STYXL1: variants seen among roughly 807,000 people sequenced by gnomAD.
The protein encoded by STYXL1 is serine/threonine/tyrosine-interacting-like protein 1.
A neutral mutation model predicts 36.4 loss-of-function variants in STYXL1; 32 were observed. That is an observed-to-expected ratio of 0.88 (90% CI 0.66 to 1.18). STYXL1 has a LOEUF of 1.18. Among genes scored for constraint, STYXL1 ranks in the 50% most tolerant of loss-of-function variants. The probability of loss-of-function intolerance (pLI) is 0.00; values close to 1 mark genes in which losing one functional copy is unlikely to be tolerated. For missense variants in STYXL1, 354 were observed against 394.1 expected (o/e 0.90, Z 0.86); for synonymous variants, 133 against 144.1 (o/e 0.92, Z 0.55).
At chr7:76,030,649 G>T in intron 1 of STYXL1, 122 bp from the exon 2 acceptor site, 1 of 642,706 alleles carries the variant, frequency 1.6e-6, no homozygotes, top group Non-Finnish European at 2.8e-6. Flanking sequence ...CAGTAATCAT[G>T]TAAATGATCA....
intron 1 of STYXL1, 114 bp from the exon 2 acceptor site, chr7:76,030,641 G>T: frequency 1.5e-6 from 1 of 655,898 alleles, no homozygotes; most frequent in Non-Finnish European, 2.8e-6. Flanking sequence ...AAAGATGACA[G>T]TAATCATGTA....
intron 5 of STYXL1, among the ~76,000 whole-genome samples, chr7:76,006,037 G>A (rs782559510): frequency 1.3e-5 from 2 of 152,108 alleles, no homozygotes; most frequent in Admixed American, 6.5e-5. Flanking sequence ...GATTACAGGC[G>A]TGAGCCACTG....
Position 76,003,818 on chromosome 7 carries a change from T to A in STYXL1, c.637A>T (p.Ile213Leu), listed in dbSNP as rs1554568981. 1 of 1,614,172 alleles carries A rather than the reference T, an allele frequency of 6.2e-7. No individual in the cohort carries two copies. Among genetic ancestry groups the A allele is most frequent in the Admixed American group, 1.7e-5 (1 of 60,014 alleles). ...GDADKLLHIR[I>L]EDSPEAQILP... ...ATCTGGGCTTCCGGGGAATCTTCTA[T>A]CCGGATGTGCAGAAGCTTGTCAGCA... The change falls in exon 7 of 9, where the codon ATA becomes TTA. Residue 213 changes from isoleucine (I) to leucine (L), a missense_variant. Physicochemically the swap from Ile to Leu is conservative, Grantham distance 5 (BLOSUM62 2). Coordinates refer to ENST00000359697, the MANE Select transcript of STYXL1 (RefSeq NM_001317785.2).
chr7:76,024,948 C>CAAAAAAAAAAAA (rs56728505), intron 3 of STYXL1, among the ~76,000 whole-genome samples: 2 of 72,418 alleles, frequency 2.8e-5, no homozygotes, highest in African/African-American at 6.0e-5. Flanking sequence ...GACTCTGTCT[C>CAAAAAAAAAAAA]AAAAAAAAAA....
At chr7:76,003,078 C>T (rs1338871219) in intron 7 of STYXL1, among the ~76,000 whole-genome samples, 6 of 152,126 alleles carry the variant, frequency 3.9e-5, no homozygotes, top group Non-Finnish European at 8.8e-5. Context: ...ACAGATCTTA[C>T]TCTCCTCTGG....
At chr7:76,024,670 G>C (rs1198467192) in intron 3 of STYXL1, among the ~76,000 whole-genome samples, 1 of 151,668 alleles carries the variant, frequency 6.6e-6, no homozygotes, top group African/African-American at 2.4e-5. Flanking sequence ...ATACAAATTG[G>C]CCAGGTGCGG....
At chr7:76,007,927 A>T (rs1207288731) in intron 5 of STYXL1, among the ~76,000 whole-genome samples, 9 of 150,720 alleles carry the variant, frequency 6.0e-5, no homozygotes, top group Admixed American at 4.0e-4. Flanking sequence ...AGCCGGGCAC[A>T]GTGCCTCATG....
chr7:76,021,727 A>C, intron 4 of STYXL1, 124 bp downstream of exon 4: 1 of 736,690 alleles, frequency 1.4e-6, no homozygotes, highest in Non-Finnish European at 2.3e-6. Flanking sequence ...TTCTGACGCA[A>C]ACCCTGCTGT....
intron 1 of STYXL1, among the ~76,000 whole-genome samples, chr7:76,033,558 T>C (rs1795609545): frequency 6.6e-6 from 1 of 152,126 alleles, no homozygotes. Context: ...TCTAAACGGT[T>C]AGGCTCCACT....
intron 8 of STYXL1, chr7:75,999,059 G>C (rs1790468911): frequency 6.4e-6 from 1 of 155,420 alleles, no homozygotes; most frequent in African/African-American, 2.4e-5. Context: ...AATGGCATGA[G>C]CCCGGGAGGC....
chr7:76,008,199 CAAAAAAAAAAAAAAAAAA>C (rs60080805), intron 5 of STYXL1, among the ~76,000 whole-genome samples: 4 of 33,746 alleles, frequency 1.2e-4, no homozygotes, highest in Admixed American at 1.1e-3. Flanking sequence ...AACTCCATCT[CAAAAAAAAAAAAAAAAAA>C]AAAAAAAAAA....
chr7:75,999,221 A>T (rs1428944805), intron 8 of STYXL1: 4 of 154,238 alleles, frequency 2.6e-5, no homozygotes, highest in African/African-American at 9.6e-5. Flanking sequence ...CCCAGCCTAG[A>T]TGGGTTTATT....
rs148066291 is a variant in STYXL1, at chr7:76,028,682, T to C, written c.125A>G (p.Tyr42Cys). Residue 42 changes from tyrosine (Y) to cysteine (C), a missense_variant, in exon 3 of 9, where the codon TAT (tyrosine) becomes TGT (cysteine). By Grantham distance (194) the Tyr-to-Cys change is radical. Coordinates refer to ENST00000359697, the MANE Select transcript of STYXL1 (RefSeq NM_001317785.2). ...CLLDVRSKWEYDESHVITALR... is the reference protein window; with the variant it reads ...CLLDVRSKWECDESHVITALR... ...GGCAGTGATCACATGGCTTTCGTCA[T>C]ACTCCCATTTGGAACGGACATCTGG... The C allele has an allele frequency of 1.9e-5, 31 of 1,614,018 alleles. No individual in the cohort carries two copies. The highest frequency in any genetic ancestry group is 2.6e-5 in the Non-Finnish European group (31 of 1,180,022).
chr7:76,008,428 T>C lies in STYXL1; in HGVS notation c.454-3024A>G, dbSNP rs144820699. Among the ~76,000 whole-genome samples, 321 of 152,202 alleles carry C rather than the reference T, an allele frequency of 2.1e-3. 1 individual carries two copies. The highest frequency in any genetic ancestry group is 7.2e-3 in the African/African-American group (299 of 41,530). On this transcript the variant is annotated intron_variant, in intron 5 of 8. Transcript: ENST00000359697. ...TAACATTTTAAGGACCTCAGGCGTG[T>C]GGGTCCTTCAGAGCCACCTGAACTC...
intron 1 of STYXL1, among the ~76,000 whole-genome samples, chr7:76,036,017 G>C (rs1795872926): frequency 6.7e-6 from 1 of 149,968 alleles, no homozygotes; most frequent in African/African-American, 2.4e-5. Flanking sequence ...ACTGAAATTA[G>C]GGCACCTCTA....
intron 7 of STYXL1, among the ~76,000 whole-genome samples, chr7:76,001,275 C>T (rs1380377886): frequency 4.6e-5 from 7 of 152,196 alleles, no homozygotes; most frequent in African/African-American, 1.7e-4. Flanking sequence ...GGTTTCTAGC[C>T]CAGGAAGCTC....
intron 4 of STYXL1, among the ~76,000 whole-genome samples, chr7:76,017,787 T>C (rs2115925816): frequency 7.3e-6 from 1 of 137,536 alleles, no homozygotes; most frequent in Non-Finnish European, 1.5e-5. Flanking sequence ...CTTGGGAAGC[T>C]GAGGGGAAGC....
intron 4 of STYXL1, 85 bp downstream of exon 4, chr7:76,021,766 A>T: frequency 1.0e-6 from 1 of 981,908 alleles, no homozygotes; most frequent in Non-Finnish European, 1.6e-6. Flanking sequence ...TTCCCGTGCC[A>T]TGGGCATATG....
chr7:75,997,191 G>C (rs868982197), intron 8 of STYXL1, among the ~76,000 whole-genome samples: 1 of 152,222 alleles, frequency 6.6e-6, no homozygotes, highest in African/African-American at 2.4e-5. Flanking sequence ...TGGCACTTTG[G>C]GGGGCCGAGA....
Sources: allele counts gnomAD v4.1 joint callset (sites outside exome capture counted in the v4.1 genomes callset), GRCh38; gene constraint gnomAD v4.1.1; transcripts MANE v1.5; gene names NCBI Gene and HGNC (gene_info 2026-07-23, HGNC 2026-07-21).